KRTAP5-2: variants seen among roughly 807,000 people sequenced by gnomAD.
The protein encoded by KRTAP5-2 is keratin-associated protein 5-2.
For synonymous variants in KRTAP5-2, 79 were observed against 82.7 expected (o/e 0.96, Z 0.24); for missense variants, 188 against 212.8 (o/e 0.88, Z 0.73).
At position 1,598,100 on chromosome 11, in the gene KRTAP5-2, C is replaced by T; in HGVS notation, c.151G>A (p.Gly51Arg). The T allele has an allele frequency of 6.2e-7, 1 of 1,611,780 alleles. No individual in the cohort carries two copies. Among genetic ancestry groups the T allele is most frequent in the Non-Finnish European group, 8.5e-7 (1 of 1,179,820 alleles). The change falls in exon 1 of 1, where the codon GGA becomes AGA. Residue 51 changes from glycine (G) to arginine (R), a missense_variant. Coordinates refer to ENST00000412090, the MANE Select transcript of KRTAP5-2 (RefSeq NM_001004325.2). Reference sequence around the variant, plus strand: ...GGCACATAACATCTGGAGCCACATCCCCCACAGCTGGAGCTGCAGCCCCCA... The same window carrying T: ...GGCACATAACATCTGGAGCCACATCTCCCACAGCTGGAGCTGCAGCCCCCA... ...GCGGCSSSCG[G>R]CGSRCYVPVC...
chr11:1,598,091 A>T lies in KRTAP5-2; in HGVS notation c.160T>A (p.Ser54Thr). The change falls in exon 1 of 1, where the codon TCC becomes ACC. Residue 54 changes from serine (S) to threonine (T), a missense_variant. Transcript: ENST00000412090. ...GCSSSCGGCGSRCYVPVCCCK... is the reference protein window; with the variant it reads ...GCSSSCGGCGTRCYVPVCCCK... ...CAGCAGACAGGCACATAACATCTGG[A>T]GCCACATCCCCCACAGCTGGAGCTG... is the stretch of plus-strand genomic sequence containing the variant. 1 of 1,612,130 alleles carries T rather than the reference A, an allele frequency of 6.2e-7. No homozygotes were observed. The highest frequency in any genetic ancestry group is 1.3e-5 in the African/African-American group (1 of 74,738).
rs778053349 is a variant in KRTAP5-2, at chr11:1,597,801, G to A, written c.450C>T (p.Pro150=). ...TGCAGCAGCTGGACTGGCAGCACAC[G>A]GGGACACAGCAGCTGGACTGGCAGC... ...PCCCQSSCCV[P]VCCQSSCCKP... The change falls in exon 1 of 1, where the codon CCC becomes CCT. Residue 150 remains proline (P), a synonymous_variant. Coordinates refer to ENST00000412090, the MANE Select transcript of KRTAP5-2 (RefSeq NM_001004325.2). 175 of 1,612,996 alleles carry A rather than the reference G, an allele frequency of 1.1e-4. No individual in the cohort carries two copies. Among genetic ancestry groups the A allele is most frequent in the Non-Finnish European group, 1.5e-4 (173 of 1,179,722 alleles).
Position 1,597,769 on chromosome 11 carries a change from C to A in KRTAP5-2, c.482G>T (p.Cys161Phe). Residue 161 changes from cysteine to phenylalanine, a missense_variant, in exon 1 of 1, where the codon TGT becomes TTT. Physicochemically the swap from Cys to Phe is radical, Grantham distance 205 (BLOSUM62 -2). Transcript: ENST00000412090. ...VCCQSSCCKP[C>F]CCQSNCCVPV... is the part of the protein sequence containing the mutation. Reference sequence around the variant, plus strand: ...GACACAACAGTTGGACTGGCAGCAACAGGGCTTGCAGCAGCTGGACTGGCA... The same window carrying A: ...GACACAACAGTTGGACTGGCAGCAAAAGGGCTTGCAGCAGCTGGACTGGCA... 1 of 1,614,004 alleles carries A rather than the reference C, an allele frequency of 6.2e-7. No individual in the cohort carries two copies. Among genetic ancestry groups the A allele is most frequent in the Non-Finnish European group, 8.5e-7 (1 of 1,179,898 alleles).
chr11:1,597,510 G>C lies in KRTAP5-2; in HGVS notation c.*207C>G. 1.2e-6 allele frequency: 1 copy of C among 826,534 alleles called. No homozygotes were observed. The highest frequency in any genetic ancestry group is 1.9e-6 in the Non-Finnish European group (1 of 529,092). The allele number at this position is 826,534 out of a possible 1,614,324, so 51.2% of individuals were successfully genotyped here. Reference sequence around the variant, plus strand: ...CTGCGTCCAGGCGAGGACACCTCCCGCATCAGGGAAACACACGTTTCTGGA... The same window carrying C: ...CTGCGTCCAGGCGAGGACACCTCCCCCATCAGGGAAACACACGTTTCTGGA... On this transcript the variant is annotated 3_prime_UTR_variant, in exon 1 of 1. Coordinates refer to ENST00000412090, the MANE Select transcript of KRTAP5-2 (RefSeq NM_001004325.2).
Position 1,598,120 on chromosome 11 carries a change from C to T in KRTAP5-2, c.131G>A (p.Gly44Asp). 1.9e-6 allele frequency: 3 copies of T among 1,607,936 alleles called. No individual in the cohort carries two copies. Among genetic ancestry groups the T allele is most frequent in the African/African-American group, 1.4e-5 (1 of 73,590 alleles). Residue 44 changes from glycine to aspartate, a missense_variant, in exon 1 of 1, where the codon GGC becomes GAC. Gly to Asp is a moderately conservative substitution (Grantham distance 94). Transcript: ENST00000412090. ...ACATCCCCCACAGCTGGAGCTGCAG[C>T]CCCCACAGCCAGAGCCACAGCCCCC... is the stretch of plus-strand genomic sequence containing the variant. ...GRGGCGSGCG[G>D]CSSSCGGCGS...
chr11:1,597,856 C>A lies in KRTAP5-2; in HGVS notation c.395G>T (p.Cys132Phe), dbSNP rs1849307668. Residue 132 changes from cysteine to phenylalanine, a missense_variant, in exon 1 of 1, where the codon TGC (cysteine) becomes TTC (phenylalanine). Transcript: ENST00000412090. Reference sequence around the variant, plus strand: ...GGGCTTGCAGCAGCTGGACTGGCAGCAGGATGATCCACAGCCTGAGGAGCA... The same window carrying A: ...GGGCTTGCAGCAGCTGGACTGGCAGAAGGATGATCCACAGCCTGAGGAGCA... Reference protein sequence around the residue: ...CCCSSGCGSSCCQSSCCKPCC... With the variant: ...CCCSSGCGSSFCQSSCCKPCC... 3 of 1,613,872 alleles carry A rather than the reference C, an allele frequency of 1.9e-6. No homozygotes were observed. The Admixed American group carries it at 5.0e-5, about 27-fold the overall frequency.
In KRTAP5-2 at chr11:1,597,963, CCCCTT is replaced by C. The variant is rs758664201; in HGVS notation, c.283_287del (p.Lys95GlyfsTer24). The C allele has an allele frequency of 5.0e-6, 2 of 398,374 alleles. No homozygotes were observed. Among genetic ancestry groups the C allele is most frequent in the East Asian group, 6.8e-5 (1 of 14,730 alleles). The allele number at this position is 398,374 out of a possible 1,614,324, so 24.7% of individuals were successfully genotyped here. On this transcript the variant is annotated frameshift_variant, in exon 1 of 1. Coordinates refer to ENST00000412090, the MANE Select transcript of KRTAP5-2 (RefSeq NM_001004325.2). LOFTEE classifies it low-confidence loss of function (END_TRUNC). ...TGGAACCCCCACAGGAGCCACAGCC[CCCCTT>C]GGAGCCCCCACAGGAGCCACAGCCC...
In KRTAP5-2 at chr11:1,597,370, C is replaced by G. The variant is rs1849299434; in HGVS notation, c.*347G>C. The stretch of plus-strand genomic sequence containing the variant: ...GAGAAGCTGGTTCTTAGTGATCACT[C>G]AGAAACGTCGGCCTGGCCTTGTGGG... On this transcript the variant is annotated 3_prime_UTR_variant, in exon 1 of 1. Coordinates refer to ENST00000412090, the MANE Select transcript of KRTAP5-2 (RefSeq NM_001004325.2). 11 of 370,022 alleles carry G rather than the reference C, an allele frequency of 3.0e-5. No homozygotes were observed. The South Asian group carries it at 3.4e-4, about 11-fold the overall frequency. 22.9% of individuals were successfully genotyped at this position (370,022 alleles called of 1,614,324 possible).
chr11:1,597,737 A>G lies in KRTAP5-2; in HGVS notation c.514T>C (p.Cys172Arg), dbSNP rs1849304687. 1 of 1,614,194 alleles carries G rather than the reference A, an allele frequency of 6.2e-7. No homozygotes were observed. The highest frequency in any genetic ancestry group is 8.5e-7 in the Non-Finnish European group (1 of 1,180,022). Residue 172 changes from cysteine to arginine, a missense_variant, in exon 1 of 1, where the codon TGC becomes CGC. By Grantham distance (180) the Cys-to-Arg change is radical (BLOSUM62 -3). Transcript: ENST00000412090. The stretch of plus-strand genomic sequence containing the variant: ...GAGCCTCAGATCTTACACTGGCAGC[A>G]CACAGGGACACAACAGTTGGACTGG... ...CCQSNCCVPV[C>R]CQCKI
In KRTAP5-2 at chr11:1,597,556, G is replaced by T; in HGVS notation, c.*161C>A. 2.5e-6 allele frequency: 3 copies of T among 1,191,072 alleles called. No individual in the cohort carries two copies. The highest frequency in any genetic ancestry group is 3.6e-6 in the Non-Finnish European group (3 of 838,044). The allele number at this position is 1,191,072 out of a possible 1,614,324, so 73.8% of individuals were successfully genotyped here. On this transcript the variant is annotated 3_prime_UTR_variant, in exon 1 of 1. Coordinates refer to ENST00000412090, the MANE Select transcript of KRTAP5-2 (RefSeq NM_001004325.2). ...CTGGAGTGAGGAGGCTGAAGGCAGG[G>T]CCCAGAGGAGAGCTGAGCCATGGAA...
In KRTAP5-2 at chr11:1,597,643, G is replaced by A; in HGVS notation, c.*74C>T. ...CAGGTGCCTCAGGGAGGATGTGTGG[G>A]ACGAACTGACTCAGGGAACCATAAG... On this transcript the variant is annotated 3_prime_UTR_variant, in exon 1 of 1. Transcript: ENST00000412090. The A allele has an allele frequency of 6.3e-7, 1 of 1,596,824 alleles. No homozygotes were observed. The highest frequency in any genetic ancestry group is 8.5e-7 in the Non-Finnish European group (1 of 1,170,014).
chr11:1,597,833 G>A lies in KRTAP5-2; in HGVS notation c.418C>T (p.Pro140Ser), dbSNP rs1242498978. 1 of 1,613,688 alleles carries A rather than the reference G, an allele frequency of 6.2e-7. No individual in the cohort carries two copies. The highest frequency in any genetic ancestry group is 1.3e-5 in the African/African-American group (1 of 74,904). ...SSCCQSSCCK[P>S]CCCQSSCCVP... is the part of the protein sequence containing the mutation. Reference sequence around the variant, plus strand: ...CAGCAGCTGGACTGGCAGCAGCAGGGCTTGCAGCAGCTGGACTGGCAGCAG... The same window carrying A: ...CAGCAGCTGGACTGGCAGCAGCAGGACTTGCAGCAGCTGGACTGGCAGCAG... The change falls in exon 1 of 1, where the codon CCC becomes TCC. Residue 140 changes from proline to serine, a missense_variant. Transcript: ENST00000412090.
In KRTAP5-2 at chr11:1,597,939, G is replaced by T; in HGVS notation, c.312C>A (p.Ser104=). The change falls in exon 1 of 1, where the codon TCC becomes TCA. Residue 104 remains serine, a synonymous_variant. Transcript: ENST00000412090. ...AGCCACAAGAACCACAGCCCCCCTT[G>T]GAACCCCCACAGGAGCCACAGCCCC... ...SKGGCGSCGG[S]KGGCGSCGCS... 1.9e-6 allele frequency: 3 copies of T among 1,608,608 alleles called. No individual in the cohort carries two copies. The highest frequency in any genetic ancestry group is 2.5e-6 in the Non-Finnish European group (3 of 1,177,824).
Position 1,597,738 on chromosome 11 carries a change from C to A in KRTAP5-2, c.513G>T (p.Val171=). ...CCCQSNCCVP[V]CCQCKI ...AGCCTCAGATCTTACACTGGCAGCA[C>A]ACAGGGACACAACAGTTGGACTGGC... Residue 171 remains valine, a synonymous_variant, in exon 1 of 1, where the codon GTG becomes GTT. Transcript: ENST00000412090. 1 of 1,614,186 alleles carries A rather than the reference C, an allele frequency of 6.2e-7. No individual in the cohort carries two copies. Among genetic ancestry groups the A allele is most frequent in the East Asian group, 2.2e-5 (1 of 44,882 alleles).
rs1449420101 is a variant in KRTAP5-2 at position 1,597,342 on chromosome 11, G to C, written c.*375C>G. 1.6e-5 allele frequency: 5 copies of C among 304,520 alleles called. No homozygotes were observed. The highest frequency in any genetic ancestry group is 3.2e-5 in the Non-Finnish European group (5 of 156,822). 18.9% of individuals were successfully genotyped at this position (304,520 alleles called of 1,614,324 possible). On this transcript the variant is annotated 3_prime_UTR_variant, in exon 1 of 1. Transcript: ENST00000412090. ...AGGAGGATCCAGGGTCCTGATGGTG[G>C]TTGAGAAGCTGGTTCTTAGTGATCA...
In KRTAP5-2 at chr11:1,598,234, C is replaced by G; in HGVS notation, c.17G>C (p.Cys6Ser). 6.2e-7 allele frequency: 1 copy of G among 1,613,500 alleles called. No individual in the cohort carries two copies. Among genetic ancestry groups the G allele is most frequent in the Non-Finnish European group, 8.5e-7 (1 of 1,179,962 alleles). The change falls in exon 1 of 1, where the codon TGC becomes TCC. Residue 6 changes from cysteine to serine, a missense_variant. Physicochemically the swap from Cys to Ser is moderately radical, Grantham distance 112. Coordinates refer to ENST00000412090, the MANE Select transcript of KRTAP5-2 (RefSeq NM_001004325.2). ...ACAGCCGGAGCCACAGCCTCTGGAG[C>G]AGCCACAGCAGCCCATGGTTCTGGT... MGCCG[C>S]SRGCGSGCGG...
In KRTAP5-2 at chr11:1,597,379, C is replaced by T. The variant is rs1590825849; in HGVS notation, c.*338G>A. The T allele has an allele frequency of 7.8e-6, 3 of 385,618 alleles. No individual in the cohort carries two copies. The highest frequency in any genetic ancestry group is 9.9e-6 in the Non-Finnish European group (2 of 201,470). 23.9% of individuals were successfully genotyped at this position (385,618 alleles called of 1,614,324 possible). A position where few individuals can be genotyped will look rare whatever the true frequency, so the allele number is the denominator to read the frequency against. On this transcript the variant is annotated 3_prime_UTR_variant, in exon 1 of 1. Transcript: ENST00000412090. ...GTTCTTAGTGATCACTCAGAAACGT[C>T]GGCCTGGCCTTGTGGGGTCAGACCT...
chr11:1,597,790 T>A lies in KRTAP5-2; in HGVS notation c.461A>T (p.Gln154Leu). ...QSSCCVPVCC[Q>L]SSCCKPCCCQ... ...GCAACAGGGCTTGCAGCAGCTGGAC[T>A]GGCAGCACACGGGGACACAGCAGCT... The change falls in exon 1 of 1, where the codon CAG (glutamine) becomes CTG (leucine). Residue 154 changes from glutamine to leucine, a missense_variant. Gln to Leu is a moderately radical substitution (Grantham distance 113, BLOSUM62 -2). Coordinates refer to ENST00000412090, the MANE Select transcript of KRTAP5-2 (RefSeq NM_001004325.2). 1 of 1,613,854 alleles carries A rather than the reference T, an allele frequency of 6.2e-7. No individual in the cohort carries two copies. Among genetic ancestry groups the A allele is most frequent in the Non-Finnish European group, 8.5e-7 (1 of 1,179,858 alleles).
Position 1,597,529 on chromosome 11 carries a change from T to G in KRTAP5-2, c.*188A>C, listed in dbSNP as rs1849301612. The G allele has an allele frequency of 1.0e-6, 1 of 964,006 alleles. No homozygotes were observed. The highest frequency in any genetic ancestry group is 1.5e-6 in the Non-Finnish European group (1 of 648,840). The allele number at this position is 964,006 out of a possible 1,614,324, so 59.7% of individuals were successfully genotyped here. A position where few individuals can be genotyped will look rare whatever the true frequency, so the allele number is the denominator to read the frequency against. ...CCTCCCGCATCAGGGAAACACACGT[T>G]TCTGGAGTGAGGAGGCTGAAGGCAG... On this transcript the variant is annotated 3_prime_UTR_variant, in exon 1 of 1. Coordinates refer to ENST00000412090, the MANE Select transcript of KRTAP5-2 (RefSeq NM_001004325.2).
Sources: gnomAD v4.1 joint callset for allele counts on GRCh38, gnomAD v4.1.1 for gene constraint, MANE v1.5 for transcripts, NCBI Gene and HGNC (gene_info 2026-07-23, HGNC 2026-07-21) for gene names.